Variants in RBFOX1 observed in about 807,000 individuals in gnomAD.
RBFOX1 encodes the protein RNA binding protein fox-1 homolog 1.
A neutral mutation model predicts 57.7 loss-of-function variants in RBFOX1; 8 were observed. The ratio of observed to expected loss-of-function variants is 0.14; its 90% CI spans 0.08 to 0.25. The LOEUF (loss-of-function observed/expected upper bound fraction) is 0.25. RBFOX1 is among the 10% of genes least tolerant of loss of function. RBFOX1 has a pLI of 1.00. For missense variants in RBFOX1, 611 were observed against 548.5 expected (o/e 1.11, Z -1.14); for synonymous variants, 326 against 222.4 (o/e 1.47, Z -4.15).
chr16:5,482,499 C>T (rs1337108980), intron 2 of RBFOX1, among the ~76,000 whole-genome samples: 3 of 152,210 alleles, frequency 2.0e-5, no homozygotes, highest in African/African-American at 4.8e-5. Flanking sequence ...CAGAAGTCAG[C>T]GTCTGAGCCA....
intron 3 of RBFOX1, among the ~76,000 whole-genome samples, chr16:6,886,778 CAAAA>C (rs1382925076): frequency 2.2e-5 from 3 of 136,400 alleles, no homozygotes; most frequent in Admixed American, 7.3e-5. Flanking sequence ...CAAAACAAAA[CAAAA>C]CAAAAAAAAA....
At chr16:7,543,129 C>T (rs2083414418) in intron 5 of RBFOX1, among the ~76,000 whole-genome samples, 1 of 152,172 alleles carries the variant, frequency 6.6e-6, no homozygotes, top group Admixed American at 6.5e-5. Flanking sequence ...CTGCACCCCG[C>T]CATGCATTTA....
chr16:5,841,130 C>T (rs768621753), intron 3 of RBFOX1, among the ~76,000 whole-genome samples: 2 of 152,112 alleles, frequency 1.3e-5, no homozygotes, highest in South Asian at 2.1e-4. Context: ...CCTGGCATTG[C>T]GTCAAACATT....
chr16:6,527,009 CTTAAATCTGCTT>C (rs1202257542), intron 2 of RBFOX1, among the ~76,000 whole-genome samples: 1 of 151,986 alleles, frequency 6.6e-6, no homozygotes, highest in Non-Finnish European at 1.5e-5. Flanking sequence ...GGAAATCCAA[CTTAAATCTGCTT>C]TTAAACGTTA....
intron 1 of RBFOX1, among the ~76,000 whole-genome samples, chr16:5,443,040 C>G (rs939997507): frequency 6.6e-6 from 1 of 152,166 alleles, no homozygotes; most frequent in Non-Finnish European, 1.5e-5. Flanking sequence ...CCACTAGAGA[C>G]TGAAAGAGGC....
intron 4 of RBFOX1, among the ~76,000 whole-genome samples, chr16:7,130,405 G>C (rs918703762): frequency 2.6e-5 from 4 of 152,132 alleles, no homozygotes; most frequent in African/African-American, 9.7e-5. Flanking sequence ...GAAATTCTCT[G>C]AGCGTATTCA....
chr16:6,149,580 A>T (rs1321079154), intron 1 of RBFOX1, among the ~76,000 whole-genome samples: 1 of 152,196 alleles, frequency 6.6e-6, no homozygotes, highest in Non-Finnish European at 1.5e-5. Context: ...GCCTGTGAGC[A>T]TCCCTTAGAT....
At chr16:7,326,525 G>A (rs1038171803) in intron 4 of RBFOX1, among the ~76,000 whole-genome samples, 3 of 152,122 alleles carry the variant, frequency 2.0e-5, no homozygotes, top group African/African-American at 7.2e-5. Flanking sequence ...TTTTGAATGG[G>A]TGCATTGAAA....
At chr16:5,608,078 G>C (rs1028981447) in intron 3 of RBFOX1, among the ~76,000 whole-genome samples, 2 of 152,196 alleles carry the variant, frequency 1.3e-5, no homozygotes, top group African/African-American at 4.8e-5. Flanking sequence ...AATTTGAGTA[G>C]CTACTGTCCA....
At chr16:5,917,275 A>G (rs2058725677) in intron 4 of RBFOX1, among the ~76,000 whole-genome samples, 1 of 152,198 alleles carries the variant, frequency 6.6e-6, no homozygotes, top group Non-Finnish European at 1.5e-5. Context: ...TGGAAGCGTG[A>G]TAATATTGAT....
intron 4 of RBFOX1, among the ~76,000 whole-genome samples, chr16:7,309,140 C>A (rs953762329): frequency 6.6e-6 from 1 of 152,220 alleles, no homozygotes; most frequent in African/African-American, 2.4e-5. Flanking sequence ...AAAGGTCCCT[C>A]AGTCTCTTTC....
At chr16:6,604,504 A>G (rs2097899757) in intron 2 of RBFOX1, among the ~76,000 whole-genome samples, 1 of 152,184 alleles carries the variant, frequency 6.6e-6, no homozygotes, top group African/African-American at 2.4e-5. Flanking sequence ...TGGATTATAA[A>G]GTAGAGGTTA....
chr16:5,987,406 A>G (rs2060304958), intron 4 of RBFOX1, among the ~76,000 whole-genome samples: 1 of 152,182 alleles, frequency 6.6e-6, no homozygotes, highest in African/African-American at 2.4e-5. Context: ...CAATTTATGA[A>G]TTTTTAAAAA....
chr16:6,451,996 A>G (rs961865282), intron 2 of RBFOX1, among the ~76,000 whole-genome samples: 1 of 144,316 alleles, frequency 6.9e-6, no homozygotes, highest in African/African-American at 2.6e-5. Context: ...CCATGGTTCC[A>G]TCCATGGCTC....
At chr16:7,671,341 C>T (rs2071364980) in intron 13 of RBFOX1, among the ~76,000 whole-genome samples, 2 of 152,216 alleles carry the variant, frequency 1.3e-5, no homozygotes, top group Non-Finnish European at 2.9e-5. Context: ...TGATCCCCAT[C>T]TCCACCTTGA....
intron 3 of RBFOX1, among the ~76,000 whole-genome samples, chr16:6,701,181 G>A (rs1479383735): frequency 6.6e-6 from 1 of 151,742 alleles, no homozygotes; most frequent in African/African-American, 2.4e-5. Flanking sequence ...GAAATGGCTG[G>A]GACTTTACCT....
At chr16:7,519,852 C>G (rs542237584) in intron 5 of RBFOX1, 4 of 433,914 alleles carry the variant, frequency 9.2e-6, no homozygotes, top group South Asian at 9.7e-5. Context: ...CCACCTCATT[C>G]ATTTGGAGGC....
At chr16:6,593,737 A>T (rs1187247164) in intron 2 of RBFOX1, among the ~76,000 whole-genome samples, 1 of 152,198 alleles carries the variant, frequency 6.6e-6, no homozygotes, top group Non-Finnish European at 1.5e-5. Flanking sequence ...CATGCCATTC[A>T]GTAGCACTGG....
chr16:7,164,505 GAT>G (rs1159630488), intron 4 of RBFOX1, among the ~76,000 whole-genome samples: 1 of 152,160 alleles, frequency 6.6e-6, no homozygotes, highest in African/African-American at 2.4e-5. Flanking sequence ...TGGCAGAAAT[GAT>G]ATGTGTCTTT....
Sources: allele counts gnomAD v4.1 joint callset (sites outside exome capture counted in the v4.1 genomes callset), GRCh38; gene constraint gnomAD v4.1.1; transcripts MANE v1.5; gene names NCBI Gene and HGNC (gene_info 2026-07-23, HGNC 2026-07-21).